The following SSBP2 variants were observed in gnomAD, a reference collection of about 807,000 sequenced individuals.
The protein encoded by SSBP2 is single stranded DNA binding protein 2, also known as single-stranded DNA-binding protein 2.
In SSBP2, 17 loss-of-function variants were observed where a neutral mutation model predicts 61.8. The ratio of observed to expected loss-of-function variants is 0.28; its 90% confidence interval spans 0.19 to 0.41. The LOEUF is 0.41. SSBP2 is among the 10% of genes least tolerant of loss of function. The probability of loss-of-function intolerance (pLI) is 1.00; values close to 1 mark genes in which losing one functional copy is unlikely to be tolerated. For missense variants in SSBP2, 310 were observed against 458.7 expected (o/e 0.68, Z 2.96); for synonymous variants, 139 against 141.3 (o/e 0.98, Z 0.12).
intron 1 of SSBP2, among the ~76,000 whole-genome samples, chr5:81,707,797 T>C (rs1581391887): frequency 6.6e-6 from 1 of 152,300 alleles, no homozygotes; most frequent in East Asian, 1.9e-4. Flanking sequence ...CTCAGTTTCC[T>C]TAACCATACC....
chr5:81,453,553 T>C (rs1206677712), intron 10 of SSBP2, among the ~76,000 whole-genome samples: 1 of 149,214 alleles, frequency 6.7e-6, no homozygotes. Flanking sequence ...GCCCCCCGGG[T>C]TCACGCCATT....
chr5:81,424,434 T>C (rs1561379510), intron 16 of SSBP2, among the ~76,000 whole-genome samples: 1 of 151,276 alleles, frequency 6.6e-6, no homozygotes, highest in Non-Finnish European at 1.5e-5. Context: ...CAAAAATACA[T>C]AAATAAATAA....
At chr5:81,482,981 C>A (rs1447561285) in intron 6 of SSBP2, among the ~76,000 whole-genome samples, 3 of 151,924 alleles carry the variant, frequency 2.0e-5, no homozygotes. Context: ...ATCAGTTGGC[C>A]CAATTTCAAT....
rs140549786 is a variant in SSBP2 at position 81,513,637 on chromosome 5, C to T, written c.363G>A (p.Gly121=). The T allele has an allele frequency of 1.2e-6, 2 of 1,608,414 alleles. No individual in the cohort carries two copies. Among genetic ancestry groups the T allele is most frequent in the African/African-American group, 1.3e-5 (1 of 74,764 alleles). ...GAGTTTCTCTGAGTACCTGAAAGAA[C>T]CCTGGTGGTACAGGACCTACTGGCA... is the stretch of plus-strand genomic sequence containing the variant. Residue 121 remains glycine (G), a synonymous_variant, in exon 5 of 17, where the codon GGG becomes GGA. Transcript: ENST00000320672.
In SSBP2 at chr5:81,575,051, C is replaced by T. The variant is rs187334722; in HGVS notation, c.282+40422G>A. Among the ~76,000 whole-genome samples, 317 of 152,228 alleles carry T rather than the reference C, an allele frequency of 2.1e-3. 2 individuals are homozygous for T. Among genetic ancestry groups the T allele is most frequent in the African/African-American group, 7.3e-3 (304 of 41,556 alleles). ...TTGGGAGGCCAAGGCAGGTGGATCA[C>T]GAGGTCGAGAGATCAAGACCATCCT... On this transcript the variant is annotated intron_variant, in intron 4 of 16. Transcript: ENST00000320672.
intron 1 of SSBP2, among the ~76,000 whole-genome samples, chr5:81,736,213 G>C (rs1581447911): frequency 1.4e-5 from 2 of 146,640 alleles, no homozygotes; most frequent in South Asian, 4.3e-4. Context: ...TGAATTTTTT[G>C]CTTCTAGAAA....
At chr5:81,715,125 C>T (rs1330436140) in intron 1 of SSBP2, among the ~76,000 whole-genome samples, 1 of 151,988 alleles carries the variant, frequency 6.6e-6, no homozygotes, top group African/African-American at 2.4e-5. Context: ...GATTCTAAAA[C>T]ACACCCACAC....
chr5:81,720,803 T>G (rs1755495970), intron 1 of SSBP2, among the ~76,000 whole-genome samples: 1 of 152,218 alleles, frequency 6.6e-6, no homozygotes, highest in African/African-American at 2.4e-5. Flanking sequence ...AGCTTGAATC[T>G]CTGTATTGAT....
At chr5:81,718,955 T>C (rs1755361501) in intron 1 of SSBP2, among the ~76,000 whole-genome samples, 1 of 152,220 alleles carries the variant, frequency 6.6e-6, no homozygotes, top group Non-Finnish European at 1.5e-5. Flanking sequence ...CATAAATATC[T>C]CACTTAAAAT....
chr5:81,510,567 T>C (rs970410589), intron 5 of SSBP2, among the ~76,000 whole-genome samples: 2 of 151,906 alleles, frequency 1.3e-5, no homozygotes, highest in Non-Finnish European at 2.9e-5. Context: ...TCAAGACCAG[T>C]CTGACCAACA....
intron 1 of SSBP2, among the ~76,000 whole-genome samples, chr5:81,672,785 G>C (rs1180037439): frequency 2.6e-5 from 4 of 151,810 alleles, no homozygotes; most frequent in African/African-American, 9.7e-5. Context: ...TATTGACCAG[G>C]CTGATCTCAA....
chr5:81,462,166 C>T (rs1308279666), intron 9 of SSBP2, among the ~76,000 whole-genome samples: 1 of 151,534 alleles, frequency 6.6e-6, no homozygotes, highest in African/African-American at 2.4e-5. Context: ...AGCTGATGAG[C>T]TAATAAAAAA....
chr5:81,480,811 T>C lies in SSBP2; in HGVS notation c.433-6249A>G, dbSNP rs552695581. On this transcript the variant is annotated intron_variant, in intron 6 of 16. Transcript: ENST00000320672. ...CATGTGATGCTGTTTGATACCACAG[T>C]AGAACTTCTTTCAAAATTGGAGGCA... is the stretch of plus-strand genomic sequence containing the variant. 5.6e-4 allele frequency among the ~76,000 whole-genome samples: 86 copies of C among 152,358 alleles called. 1 individual carries two copies. The South Asian group carries it at 0.018, about 31-fold the overall frequency.
intron 9 of SSBP2, among the ~76,000 whole-genome samples, chr5:81,463,079 CA>C (rs1764651767): frequency 6.6e-6 from 1 of 151,514 alleles, no homozygotes; most frequent in African/African-American, 2.4e-5. Flanking sequence ...TGATAAATAC[CA>C]ATCTAGTTCC....
chr5:81,461,282 A>G (rs950911074), intron 9 of SSBP2, among the ~76,000 whole-genome samples, 179 bp from the exon 10 acceptor site: 3 of 151,992 alleles, frequency 2.0e-5, no homozygotes, highest in African/African-American at 7.2e-5. Context: ...AGTCCCCCAA[A>G]AGAAAAGTTT....
At chr5:81,436,530 T>C (rs1168686796) in intron 15 of SSBP2, among the ~76,000 whole-genome samples, 1 of 152,170 alleles carries the variant, frequency 6.6e-6, no homozygotes, top group Non-Finnish European at 1.5e-5. Flanking sequence ...GAAGTCTTAA[T>C]TTAAAATGAT....
chr5:81,584,956 G>A (rs1047909571), intron 4 of SSBP2, among the ~76,000 whole-genome samples: 1 of 151,970 alleles, frequency 6.6e-6, no homozygotes, highest in African/African-American at 2.4e-5. Flanking sequence ...AACTCTATGA[G>A]TTAAGTAGTT....
intron 4 of SSBP2, among the ~76,000 whole-genome samples, chr5:81,557,537 GT>G (rs1217910601): frequency 1.3e-5 from 2 of 152,048 alleles, no homozygotes; most frequent in Non-Finnish European, 1.5e-5. Flanking sequence ...TCTCCTCCTA[GT>G]TTTAAGGCTT....
chr5:81,593,984 C>A (rs183018297), intron 4 of SSBP2, among the ~76,000 whole-genome samples: 271 of 152,266 alleles, frequency 1.8e-3, no homozygotes, highest in African/African-American at 5.5e-3. Context: ...CAAATTCACA[C>A]ATAACAATAT....
Sources: gnomAD v4.1 joint callset for allele counts (sites outside exome capture counted in the v4.1 genomes callset) on GRCh38, gnomAD v4.1.1 for gene constraint, MANE v1.5 for transcripts, NCBI Gene and HGNC (gene_info 2026-07-23, HGNC 2026-07-21) for gene names.